LINGO3: variants seen among roughly 807,000 people sequenced by gnomAD.
LINGO3 encodes leucine-rich repeat and immunoglobulin-like domain-containing nogo receptor-interacting protein 3.
For missense variants in LINGO3, 750 were observed against 867.7 expected, an observed-to-expected ratio of 0.86 and a Z score of 1.70; for synonymous variants, 427 against 444.2, an observed-to-expected ratio of 0.96 and a Z score of 0.49.
chr19:2,308,142 AGCCGCCGCC>A, the LINGO3 span, among the ~76,000 whole-genome samples: 720 of 139,672 alleles, frequency 5.2e-3, 12 homozygotes, highest in African/African-American at 0.017. Flanking sequence ...CGACACGAGC[AGCCGCCGCC>A]GCCGCCGCCG....
At chr19:2,295,317 G>A (rs1486033540), upstream of LINGO3, among the ~76,000 whole-genome samples, 3 of 152,170 alleles carry the variant, frequency 2.0e-5, no homozygotes, top group African/African-American at 7.2e-5. Flanking sequence ...CACAAGTCAA[G>A]TGACACCAGG....
chr19:2,300,422 C>T, the LINGO3 span, among the ~76,000 whole-genome samples: 5 of 151,944 alleles, frequency 3.3e-5, no homozygotes, highest in Admixed American at 2.0e-4. Context: ...TCTCTATCTC[C>T]ATCCTCATCG....
chr19:2,294,449 G>A (rs915964821), upstream of LINGO3, among the ~76,000 whole-genome samples: 7 of 152,178 alleles, frequency 4.6e-5, no homozygotes, highest in African/African-American at 7.2e-5. This position sits in a 1 kb window ranked among gnomAD's most constrained non-coding sequence, Gnocchi z 4.3. Flanking sequence ...TAAACCCCCC[G>A]GGGTTTGTGG....
At chr19:2,297,557 C>G in the LINGO3 span, among the ~76,000 whole-genome samples, 4 of 151,076 alleles carry the variant, frequency 2.6e-5, no homozygotes, top group South Asian at 8.3e-4. Flanking sequence ...CCTGCCTCAG[C>G]TTCCCAAAGT....
the LINGO3 span, among the ~76,000 whole-genome samples, chr19:2,299,834 C>T: frequency 9.3e-5 from 14 of 151,074 alleles, no homozygotes; most frequent in African/African-American, 2.7e-4. Context: ...TGCCATTCTC[C>T]TGCCTCAGCC....
At chr19:2,287,517 G>A (rs1485602211), downstream of LINGO3, among the ~76,000 whole-genome samples, 1 of 152,206 alleles carries the variant, frequency 6.6e-6, no homozygotes, top group Admixed American at 6.5e-5. The surrounding 1 kb of genome is among the most constrained non-coding windows in gnomAD (Gnocchi z 4.5). Context: ...TGGGCCATCT[G>A]TACATCGTGG....
chr19:2,299,267 C>T, the LINGO3 span, among the ~76,000 whole-genome samples: 1 of 152,152 alleles, frequency 6.6e-6, no homozygotes, highest in Non-Finnish European at 1.5e-5. Context: ...AGGCTTCTGA[C>T]ATGTCCCCTA....
exon 1 of LINGO3, chr19:2,291,536 C>CCAGCGCGGG (rs1049124319): frequency 4.4e-6 from 7 of 1,603,604 alleles, no homozygotes; most frequent in Admixed American, 3.4e-5. Context: ...TCCAGCTCCT[C>CCAGCGCGGG]CAGCGCGGGC....
the LINGO3 span, among the ~76,000 whole-genome samples, chr19:2,303,367 G>A: frequency 8.3e-6 from 1 of 120,710 alleles, no homozygotes; most frequent in Non-Finnish European, 1.8e-5. Context: ...GGGGGGGGGG[G>A]TCTGTTCCGG....
chr19:2,297,319 T>C, the LINGO3 span, among the ~76,000 whole-genome samples: 1 of 140,944 alleles, frequency 7.1e-6, no homozygotes, highest in African/African-American at 2.6e-5. Context: ...TTTTTTTTTT[T>C]TCTGAGACAG....
chr19:2,307,826 C>T, the LINGO3 span, among the ~76,000 whole-genome samples: 1 of 152,176 alleles, frequency 6.6e-6, no homozygotes. Context: ...CACCCGATTC[C>T]CCGCTCCTTG....
the LINGO3 span, among the ~76,000 whole-genome samples, chr19:2,297,041 G>A: frequency 6.6e-6 from 1 of 151,402 alleles, no homozygotes. Flanking sequence ...GCAGTGAGCT[G>A]AGATCACGCC....
exon 1 of LINGO3, chr19:2,291,791 G>A (rs1262521595): frequency 6.2e-6 from 9 of 1,454,408 alleles, no homozygotes; most frequent in South Asian, 1.3e-5. Flanking sequence ...CGGAGCGTGG[G>A]CCTAGGGCCG....
chr19:2,303,718 T>C, the LINGO3 span, among the ~76,000 whole-genome samples: 824 of 152,350 alleles, frequency 5.4e-3, 6 homozygotes, highest in African/African-American at 0.018. Flanking sequence ...GTCTTGACTC[T>C]CGGCTGCACC....
chr19:2,303,202 C>T, the LINGO3 span, among the ~76,000 whole-genome samples: 4 of 152,252 alleles, frequency 2.6e-5, no homozygotes, highest in Admixed American at 6.5e-5. Context: ...CTGGACATCT[C>T]GCATCAATGC....
the LINGO3 span, among the ~76,000 whole-genome samples, chr19:2,301,208 C>T: frequency 7.3e-5 from 11 of 151,260 alleles, no homozygotes; most frequent in African/African-American, 9.7e-5. Context: ...CACCGTCTGC[C>T]GGGTCAGGAG....
the LINGO3 span, among the ~76,000 whole-genome samples, chr19:2,299,786 C>T: frequency 2.1e-5 from 3 of 140,316 alleles, no homozygotes; most frequent in African/African-American, 5.5e-5. Flanking sequence ...TGCAGTGGTG[C>T]GATCTCGGCT....
upstream of LINGO3, among the ~76,000 whole-genome samples, chr19:2,294,972 A>T (rs2025560808): frequency 6.6e-6 from 1 of 151,712 alleles, no homozygotes; most frequent in South Asian, 2.1e-4. This position sits in a 1 kb window ranked among gnomAD's most constrained non-coding sequence, Gnocchi z 4.3. Flanking sequence ...CGTGGCCCAA[A>T]CCAGGTTGTG....
the LINGO3 span, among the ~76,000 whole-genome samples, chr19:2,301,814 G>A: frequency 6.6e-6 from 1 of 151,202 alleles, no homozygotes; most frequent in Non-Finnish European, 1.5e-5. Flanking sequence ...TGTAGTCCCA[G>A]CTACTTGGGA....
Sources: gnomAD v4.1 joint callset for allele counts (sites outside exome capture counted in the v4.1 genomes callset) on GRCh38, gnomAD v4.1.1 for gene constraint, Gnocchi (gnomAD v3.1) non-coding constraint, MANE v1.5 for transcripts, NCBI Gene and HGNC (gene_info 2026-07-23, HGNC 2026-07-21) for gene names.